The following MEF2C variants were observed in gnomAD, a reference collection of about 807,000 sequenced individuals.
The protein encoded by MEF2C is myocyte enhancer factor 2C, also known as myocyte-specific enhancer factor 2C.
Under a neutral mutation model 50.5 loss-of-function variants are expected in MEF2C, and 6 were observed. The observed-to-expected ratio is 0.12, with a 90% CI of 0.07 to 0.23. The LOEUF (loss-of-function observed/expected upper bound fraction) is 0.23. Ranked by LOEUF, MEF2C falls within the 10% of genes least tolerant of loss-of-function variation. The probability of loss-of-function intolerance (pLI) is 1.00; values close to 1 mark genes in which losing one functional copy is unlikely to be tolerated. For missense variants in MEF2C, 276 were observed against 605.0 expected (o/e 0.46, Z 5.70); for synonymous variants, 183 against 228.0 (o/e 0.80, Z 1.78).
intron 3 of MEF2C, chr5:88,780,822 T>C (rs1376079010): frequency 2.0e-6 from 2 of 985,324 alleles, no homozygotes; most frequent in East Asian, 2.3e-4. Context: ...TGTCTTGAAA[T>C]CTCAATCAAC....
chr5:88,766,527 C>T, intron 3 of MEF2C: 1 of 533,590 alleles, frequency 1.9e-6, no homozygotes, highest in Non-Finnish European at 2.4e-6. Context: ...TAAAATTCAG[C>T]TTTTTTTCAG....
At chr5:88,773,505 G>C (rs200883448) in intron 3 of MEF2C, among the ~76,000 whole-genome samples, 2 of 152,260 alleles carry the variant, frequency 1.3e-5, no homozygotes, top group East Asian at 3.9e-4. Flanking sequence ...TCATATTGTT[G>C]CTATCTGTTT....
chr5:88,719,066 C>T lies in MEF2C; in HGVS notation c.*3538G>A, dbSNP rs975135807. 3.3e-5 allele frequency: 5 copies of T among 152,104 alleles called. No individual in the cohort carries two copies. The highest frequency in any genetic ancestry group is 2.1e-4 in the South Asian group (1 of 4,826). The allele number at this position is 152,104 out of a possible 1,614,324, so 9.4% of individuals were successfully genotyped here. A position where few individuals can be genotyped will look rare whatever the true frequency, so the allele number is the denominator to read the frequency against. Reference sequence around the variant, plus strand: ...GTTTTTTAAAGAAAGAACTACAAAGCGTTTACTCTCTGGAGAAACAAACAA... The same window carrying T: ...GTTTTTTAAAGAAAGAACTACAAAGTGTTTACTCTCTGGAGAAACAAACAA... On this transcript the variant is annotated 3_prime_UTR_variant, in exon 11 of 11. Transcript: ENST00000504921.
At chr5:88,829,206 T>C (rs1034539907) in intron 1 of MEF2C, among the ~76,000 whole-genome samples, 3 of 152,162 alleles carry the variant, frequency 2.0e-5, no homozygotes, top group African/African-American at 7.2e-5. Flanking sequence ...TTCCTGCCAC[T>C]AGGCCTTTGT....
chr5:88,820,117 C>T (rs1021937530), intron 2 of MEF2C, among the ~76,000 whole-genome samples: 6 of 151,566 alleles, frequency 4.0e-5, no homozygotes, highest in African/African-American at 1.5e-4. Flanking sequence ...TTGGTAACTA[C>T]TTTTATTAGG....
At chr5:88,852,623 C>T (rs1354377022) in intron 1 of MEF2C, among the ~76,000 whole-genome samples, 1 of 152,214 alleles carries the variant, frequency 6.6e-6, no homozygotes, top group Admixed American at 6.5e-5. Flanking sequence ...GTAATCCCAA[C>T]ACTTTGGCAG....
intron 6 of MEF2C, chr5:88,734,412 A>G (rs1380951822): frequency 1.0e-6 from 1 of 985,376 alleles, no homozygotes; most frequent in Non-Finnish European, 1.2e-6. Context: ...CTAAAACCCC[A>G]GCTCGGTAGA....
At chr5:88,762,763 T>G (rs1778438129) in intron 3 of MEF2C, among the ~76,000 whole-genome samples, 1 of 152,256 alleles carries the variant, frequency 6.6e-6, no homozygotes, top group East Asian at 1.9e-4. Context: ...AAGAGATGCA[T>G]ACCTAAGTGT....
In MEF2C at chr5:88,724,379, G is replaced by A. The variant is rs367750508; in HGVS notation, c.1101-1454C>T. 1.5e-4 allele frequency among the ~76,000 whole-genome samples: 23 copies of A among 152,218 alleles called. 1 individual carries two copies. The East Asian group carries it at 2.5e-3, about 17-fold the overall frequency. ...TAGTCAGAAACGAGTTTATCTTTGA[G>A]TGATGTTTTGTACAAAAGCACCACC... is the stretch of plus-strand genomic sequence containing the variant. On this transcript the variant is annotated intron_variant, in intron 10 of 10. Coordinates refer to ENST00000504921, the MANE Select transcript of MEF2C (RefSeq NM_002397.5).
chr5:88,873,767 C>A (rs1010961675), intron 1 of MEF2C, among the ~76,000 whole-genome samples: 3 of 105,068 alleles, frequency 2.9e-5, no homozygotes, highest in African/African-American at 7.6e-5. Context: ...AATATTCAAA[C>A]ATGAAATGAA....
chr5:88,869,009 TACA>T lies in MEF2C; in HGVS notation c.-143+13943_-143+13945del, dbSNP rs555852281. 4.0e-4 allele frequency among the ~76,000 whole-genome samples: 60 copies of T among 151,886 alleles called. No homozygotes were observed. The Middle Eastern group carries it at 0.01, about 26-fold the overall frequency. On this transcript the variant is annotated intron_variant, in intron 1 of 10. Coordinates refer to ENST00000504921, the MANE Select transcript of MEF2C (RefSeq NM_002397.5). ...TTCTTTACGAATTAAGAAAACTTAC[TACA>T]ACAAGCACATGATAGAACTCTAGAA...
At position 88,894,688 on chromosome 5, in the gene MEF2C, A is replaced by T. The variant is rs148543774; in HGVS notation, c.-239-7090T>A. Among the ~76,000 whole-genome samples, 54 of 152,354 alleles carry T rather than the reference A, an allele frequency of 3.5e-4. No homozygotes were observed. In the East Asian group the frequency reaches 9.2e-3, roughly 26 times the overall value. ...TCTCATAAATTGACACTAATTGAAGATATAAAAGAGGAATTTCAAAGTATT... is the reference window on the plus strand; with the variant it reads ...TCTCATAAATTGACACTAATTGAAGTTATAAAAGAGGAATTTCAAAGTATT... On this transcript the variant is annotated intron_variant, in intron 1 of 11. Coordinates refer to the MEF2C transcript ENST00000340208.
intron 2 of MEF2C, among the ~76,000 whole-genome samples, chr5:88,806,183 T>C (rs550063719): frequency 3.3e-5 from 5 of 152,314 alleles, no homozygotes; most frequent in South Asian, 2.1e-4. Context: ...GCTAATTTAC[T>C]TAATTAAGCT....
chr5:88,884,742 G>C (rs1169911152), upstream of MEF2C, among the ~76,000 whole-genome samples: 1 of 146,942 alleles, frequency 6.8e-6, no homozygotes, highest in East Asian at 2.0e-4. Context: ...CAGAAATAGA[G>C]ACTGATAAGG....
chr5:88,861,053 A>C (rs1825336930), intron 1 of MEF2C, among the ~76,000 whole-genome samples: 1 of 152,244 alleles, frequency 6.6e-6, no homozygotes, highest in African/African-American at 2.4e-5. Flanking sequence ...CAGATGAAAA[A>C]AAGCAGGATT....
chr5:88,751,439 T>C (rs2152520385), intron 5 of MEF2C: 1 of 985,218 alleles, frequency 1.0e-6, no homozygotes, highest in South Asian at 4.7e-5. Context: ...ACCCAAATAA[T>C]AAATAACTAA....
At chr5:88,777,204 T>C (rs1785183386) in intron 3 of MEF2C, among the ~76,000 whole-genome samples, 1 of 152,214 alleles carries the variant, frequency 6.6e-6, no homozygotes, top group South Asian at 2.1e-4. Context: ...CATTTCCTCT[T>C]CTATGGCATG....
At chr5:88,792,611 T>C (rs1286742004) in intron 3 of MEF2C, among the ~76,000 whole-genome samples, 2 of 152,238 alleles carry the variant, frequency 1.3e-5, no homozygotes, top group East Asian at 3.8e-4. Flanking sequence ...TGATGATCAA[T>C]GCATTCTGTT....
rs540349899 is a variant in MEF2C at position 88,823,762 on chromosome 5, C to T, written c.27G>A (p.Thr9=). The T allele has an allele frequency of 6.5e-5, 104 of 1,609,584 alleles. 1 individual carries two copies. Among genetic ancestry groups the T allele is most frequent in the African/African-American group, 2.4e-4 (18 of 74,858 alleles). ...GTCTGTTACGTTCATCCATAATCCTCGTAATCTGAATCTTTTTTCTCCCCA... is the reference window on the plus strand; with the variant it reads ...GTCTGTTACGTTCATCCATAATCCTTGTAATCTGAATCTTTTTTCTCCCCA... MGRKKIQI[T]RIMDERNRQV... The change falls in exon 2 of 11, where the codon ACG becomes ACA. Residue 9 remains threonine, a synonymous_variant. Coordinates refer to ENST00000504921, the MANE Select transcript of MEF2C (RefSeq NM_002397.5).
Sources: gnomAD v4.1 joint callset for allele counts (sites outside exome capture counted in the v4.1 genomes callset) on GRCh38, gnomAD v4.1.1 for gene constraint, MANE v1.5 for transcripts, NCBI Gene and HGNC (gene_info 2026-07-23, HGNC 2026-07-21) for gene names.